Variants in MERTK observed in about 807,000 individuals in gnomAD.
MERTK encodes the protein tyrosine-protein kinase Mer.
Under a neutral mutation model 99.3 loss-of-function variants are expected in MERTK, and 69 were observed. That is an observed-to-expected ratio of 0.70 (90% CI 0.57 to 0.85). The LOEUF (loss-of-function observed/expected upper bound fraction) is 0.85. Ranked by LOEUF, MERTK falls within the 40% of genes least tolerant of loss-of-function variation. The pLI, the probability that MERTK is intolerant of heterozygous loss-of-function variation, is 0.00. For synonymous variants in MERTK, 426 were observed against 467.6 expected (o/e 0.91, Z 1.15); for missense variants, 1,125 against 1,249.4 (o/e 0.90, Z 1.50).
rs1456781891 is a variant in MERTK at position 112,028,869 on chromosome 2, A to G, written c.*5A>G. 6.2e-7 allele frequency: 1 copy of G among 1,613,442 alleles called. No individual in the cohort carries two copies. The highest frequency in any genetic ancestry group is 1.3e-5 in the African/African-American group (1 of 74,878). On this transcript the variant is annotated 3_prime_UTR_variant, in exon 19 of 19. Transcript: ENST00000295408. ...GGCTCAGAAGTCCTGATGTGAGGAG[A>G]GGTGCGGGGAGACATTCCAAAAATC...
intron 14 of MERTK, chr2:112,008,763 G>A: frequency 2.0e-6 from 1 of 495,726 alleles, no homozygotes; most frequent in South Asian, 2.1e-5. Flanking sequence ...TCAAAGGCAA[G>A]ACACAGAGGT....
intron 8 of MERTK, among the ~76,000 whole-genome samples, chr2:111,994,043 A>G (rs1371975371): frequency 6.6e-6 from 1 of 152,164 alleles, no homozygotes; most frequent in Non-Finnish European, 1.5e-5. Flanking sequence ...TAGCTTGCCA[A>G]TGCCCCCCAA....
chr2:111,965,728 G>A (rs1685347028), intron 5 of MERTK, among the ~76,000 whole-genome samples: 1 of 151,942 alleles, frequency 6.6e-6, no homozygotes, highest in South Asian at 2.1e-4. Flanking sequence ...TCCCAGGTCA[G>A]CGGGGCCTGC....
chr2:111,928,448 C>T (rs949707297), intron 1 of MERTK, among the ~76,000 whole-genome samples: 1 of 150,154 alleles, frequency 6.7e-6, no homozygotes, highest in Non-Finnish European at 1.5e-5. Context: ...AGACTATCAG[C>T]CAAATTTGCA....
intron 4 of MERTK, among the ~76,000 whole-genome samples, chr2:111,947,782 G>C (rs990928238): frequency 6.6e-6 from 1 of 152,154 alleles, no homozygotes; most frequent in Non-Finnish European, 1.5e-5. Flanking sequence ...GAGGGCCTCT[G>C]GGGGTACATA....
chr2:112,027,721 TTGAG>T (rs1677497094), intron 18 of MERTK, among the ~76,000 whole-genome samples: 1 of 152,144 alleles, frequency 6.6e-6, no homozygotes, highest in Non-Finnish European at 1.5e-5. Flanking sequence ...GACAGGGCTG[TTGAG>T]AAGACTAGAT....
intron 2 of MERTK, among the ~76,000 whole-genome samples, chr2:111,929,794 T>G (rs1573578532): frequency 6.8e-6 from 1 of 148,128 alleles, no homozygotes; most frequent in Admixed American, 6.8e-5. Flanking sequence ...AGAGATGAGG[T>G]TTCACCATGA....
intron 13 of MERTK, among the ~76,000 whole-genome samples, chr2:112,004,831 G>A (rs974741220): frequency 1.3e-5 from 2 of 150,870 alleles, no homozygotes; most frequent in African/African-American, 4.9e-5. Context: ...GAACTCGGGA[G>A]GCGGAAGTTG....
intron 1 of MERTK, among the ~76,000 whole-genome samples, chr2:111,923,354 G>A (rs1055950851): frequency 3.3e-5 from 5 of 152,208 alleles, no homozygotes; most frequent in East Asian, 1.9e-4. Flanking sequence ...TTTAAGAAGC[G>A]GACGCTAGGG....
intron 4 of MERTK, among the ~76,000 whole-genome samples, chr2:111,953,862 A>AG (rs1685099991): frequency 6.6e-6 from 1 of 152,230 alleles, no homozygotes; most frequent in Non-Finnish European, 1.5e-5. Context: ...GGCGTGAGCC[A>AG]CTGTGCCCAG....
chr2:111,901,778 C>T (rs1684048979), intron 1 of MERTK, among the ~76,000 whole-genome samples: 2 of 152,062 alleles, frequency 1.3e-5, no homozygotes, highest in East Asian at 1.9e-4. Flanking sequence ...TGGTCTTGAA[C>T]TCCTGGGCTC....
chr2:111,951,633 A>G (rs1685060409), intron 4 of MERTK, among the ~76,000 whole-genome samples: 1 of 149,834 alleles, frequency 6.7e-6, no homozygotes, highest in Admixed American at 6.7e-5. Flanking sequence ...GCTGCAATGA[A>G]TATGGGACCA....
At position 112,021,444 on chromosome 2, in the gene MERTK, T is replaced by A; in HGVS notation, c.2212T>A (p.Cys738Ser). The A allele has an allele frequency of 6.2e-7, 1 of 1,613,652 alleles. No homozygotes were observed. The highest frequency in any genetic ancestry group is 1.7e-5 in the Admixed American group (1 of 60,014). ...TAGGTTGCGAGATGACATGACTGTC[T>A]GTGTTGCGGACTTCGGCCTCTCTAA... ...NCMLRDDMTVCVADFGLSKKI... is the reference protein window; with the variant it reads ...NCMLRDDMTVSVADFGLSKKI... The change falls in exon 17 of 19, where the codon TGT (cysteine) becomes AGT (serine). Residue 738 changes from cysteine (C) to serine (S), a missense_variant. Physicochemically the swap from Cys to Ser is moderately radical, Grantham distance 112. Transcript: ENST00000295408.
At chr2:111,999,111 G>A (rs955196597) in intron 10 of MERTK, among the ~76,000 whole-genome samples, 1 of 152,088 alleles carries the variant, frequency 6.6e-6, no homozygotes, top group African/African-American at 2.4e-5. Flanking sequence ...GTCTTTCCAA[G>A]TGCTTTGCTT....
Position 111,965,262 on chromosome 2 carries a change from C to G in MERTK, c.829C>G (p.Gln277Glu). The G allele has an allele frequency of 6.2e-7, 1 of 1,614,136 alleles. No homozygotes were observed. The highest frequency in any genetic ancestry group is 1.1e-5 in the South Asian group (1 of 91,078). The part of the protein sequence containing the change: ...DKGLTVSKGV[Q>E]INIKAIPSPP... The stretch of plus-strand genomic sequence containing the variant: ...AGGGCTGACCGTGTCCAAGGGAGTG[C>G]AGATCAACATCAAAGGTAAGCAGCA... The change falls in exon 5 of 19, where the codon CAG (glutamine) becomes GAG (glutamate). Residue 277 changes from glutamine to glutamate, a missense_variant. Transcript: ENST00000295408.
At chr2:111,980,669 C>T (rs113629868) in intron 7 of MERTK, among the ~76,000 whole-genome samples, 36,231 of 151,932 alleles carry the variant, frequency 0.24, 4,647 homozygotes, top group South Asian at 0.32. Context: ...CCACCCGCCT[C>T]GGCCTCCCAA....
At chr2:111,944,534 G>GTC (rs1573589856) in intron 2 of MERTK, among the ~76,000 whole-genome samples, 18 of 23,552 alleles carry the variant, frequency 7.6e-4, no homozygotes, top group South Asian at 1.4e-3. Context: ...TAAGGAATTA[G>GTC]CTCACACACA....
chr2:111,990,225 AC>A (rs1287056069), intron 8 of MERTK, among the ~76,000 whole-genome samples: 6 of 152,256 alleles, frequency 3.9e-5, no homozygotes, highest in Admixed American at 2.6e-4. Context: ...TTTTAAAAAA[AC>A]ATGAATCATT....
intron 1 of MERTK, among the ~76,000 whole-genome samples, chr2:111,911,253 C>G (rs2104666238): frequency 6.6e-6 from 1 of 152,230 alleles, no homozygotes; most frequent in South Asian, 2.1e-4. Flanking sequence ...TCTTCTTCAG[C>G]TTGCTTTTTC....
Sources: gnomAD v4.1 joint callset for allele counts (sites outside exome capture counted in the v4.1 genomes callset) on GRCh38, gnomAD v4.1.1 for gene constraint, MANE v1.5 for transcripts, NCBI Gene and HGNC (gene_info 2026-07-23, HGNC 2026-07-21) for gene names.